Variants in EFNA5 observed in about 807,000 individuals in gnomAD.
EFNA5 encodes the protein ephrin-A5.
A neutral mutation model predicts 22.9 loss-of-function variants in EFNA5; 5 were observed. That is an observed-to-expected ratio of 0.22 (90% CI 0.11 to 0.46). The LOEUF is 0.46. EFNA5 is among the 20% of genes least tolerant of loss of function. The probability of loss-of-function intolerance (pLI) is 0.99; values close to 1 mark genes in which losing one functional copy is unlikely to be tolerated. For synonymous variants in EFNA5, 113 were observed against 112.2 expected (o/e 1.01, Z -0.04); for missense variants, 237 against 293.3 (o/e 0.81, Z 1.40).
intron 1 of EFNA5, among the ~76,000 whole-genome samples, chr5:107,587,177 T>C (rs1749205841): frequency 6.6e-6 from 1 of 152,214 alleles, no homozygotes; most frequent in Admixed American, 6.5e-5. Flanking sequence ...TTAACATTCA[T>C]GACATATAAA....
At chr5:107,569,965 A>G (rs1748760282) in intron 1 of EFNA5, among the ~76,000 whole-genome samples, 1 of 152,136 alleles carries the variant, frequency 6.6e-6, no homozygotes, top group Non-Finnish European at 1.5e-5. Flanking sequence ...AAATATCAGA[A>G]GATCACTGAC....
intron 1 of EFNA5, among the ~76,000 whole-genome samples, chr5:107,438,752 G>A (rs1749179875): frequency 6.6e-6 from 1 of 152,156 alleles, no homozygotes; most frequent in African/African-American, 2.4e-5. Context: ...GCTTTACAAG[G>A]CCAGAATCCC....
chr5:107,490,422 C>T (rs1746773857), intron 1 of EFNA5, among the ~76,000 whole-genome samples: 1 of 152,148 alleles, frequency 6.6e-6, no homozygotes, highest in Non-Finnish European at 1.5e-5. Context: ...CCCACCCATG[C>T]TTTCAGTTAA....
intron 1 of EFNA5, among the ~76,000 whole-genome samples, chr5:107,551,795 G>A (rs951312935): frequency 2.6e-5 from 4 of 151,790 alleles, no homozygotes; most frequent in Non-Finnish European, 5.9e-5. Flanking sequence ...AACATTTACT[G>A]TAAAATTTCC....
At chr5:107,637,584 G>A (rs1750404281) in intron 1 of EFNA5, among the ~76,000 whole-genome samples, 3 of 150,432 alleles carry the variant, frequency 2.0e-5, no homozygotes, top group African/African-American at 7.3e-5. Flanking sequence ...TAAAGTATAT[G>A]GATTAGGTTA....
intron 2 of EFNA5, among the ~76,000 whole-genome samples, chr5:107,422,720 C>G (rs1748705074): frequency 6.6e-6 from 1 of 152,112 alleles, no homozygotes; most frequent in Admixed American, 6.5e-5. Flanking sequence ...CATGGAGGAC[C>G]TTGCTGGCCA....
chr5:107,531,399 G>T lies in EFNA5; in HGVS notation c.126-103890C>A, dbSNP rs141929425. Among the ~76,000 whole-genome samples, 419 of 152,356 alleles carry T rather than the reference G, an allele frequency of 2.8e-3. 3 individuals are homozygous for T. Among genetic ancestry groups the T allele is most frequent in the South Asian group, 0.014 (70 of 4,830 alleles). On this transcript the variant is annotated intron_variant, in intron 1 of 4. Coordinates refer to ENST00000333274, the MANE Select transcript of EFNA5 (RefSeq NM_001962.3). ...ACTGACAAATGAAAGGGGCAGGCAG[G>T]ACGGTGAGGCTGCCGAAGGCAGGAC...
rs758317600 is a variant in EFNA5, at chr5:107,381,332, C to T, written c.610G>A (p.Ala204Thr). 8.1e-6 allele frequency: 13 copies of T among 1,613,880 alleles called. No homozygotes were observed. The highest frequency in any genetic ancestry group is 2.2e-5 in the East Asian group (1 of 44,846). ...ESAEPSRGEN[A>T]AQTPRIPSRL... is the part of the protein sequence containing the mutation. ...CTGGGTATCCTTGGTGTTTGTGCCG[C>T]GTTCTCGCCGCGGGATGGCTCGGCT... The change falls in exon 5 of 5, where the codon GCG becomes ACG. Residue 204 changes from alanine to threonine, a missense_variant. Ala to Thr is a moderately conservative substitution (Grantham distance 58). Transcript: ENST00000333274.
At chr5:107,627,275 A>G (rs976314070) in intron 1 of EFNA5, among the ~76,000 whole-genome samples, 2 of 152,210 alleles carry the variant, frequency 1.3e-5, no homozygotes, top group African/African-American at 2.4e-5. Flanking sequence ...TCACATAGAT[A>G]TAATAAATGT....
intron 2 of EFNA5, among the ~76,000 whole-genome samples, chr5:107,418,185 A>G (rs1748555784): frequency 1.3e-5 from 2 of 152,236 alleles, no homozygotes; most frequent in African/African-American, 4.8e-5. Flanking sequence ...AACACAGAGA[A>G]TAGCATGCTG....
At chr5:107,577,328 G>A (rs1307318325) in intron 1 of EFNA5, among the ~76,000 whole-genome samples, 1 of 151,870 alleles carries the variant, frequency 6.6e-6, no homozygotes, top group Non-Finnish European at 1.5e-5. Flanking sequence ...TTCTCGGTTG[G>A]GCTGTTTTGT....
chr5:107,460,167 G>A (rs983021561), intron 1 of EFNA5, among the ~76,000 whole-genome samples: 1 of 152,046 alleles, frequency 6.6e-6, no homozygotes, highest in African/African-American at 2.4e-5. Flanking sequence ...TTAACAATCT[G>A]TATTGGAATA....
intron 1 of EFNA5, among the ~76,000 whole-genome samples, chr5:107,572,178 T>G (rs957781009): frequency 6.6e-6 from 1 of 152,040 alleles, no homozygotes; most frequent in Admixed American, 6.6e-5. Context: ...CCTGTTCTTA[T>G]CTGGCAAGTA....
intron 2 of EFNA5, among the ~76,000 whole-genome samples, chr5:107,426,622 T>G (rs1170465300): frequency 6.6e-6 from 1 of 152,114 alleles, no homozygotes; most frequent in African/African-American, 2.4e-5. Flanking sequence ...CAGGACAGAG[T>G]CACTCAATGC....
intron 1 of EFNA5, among the ~76,000 whole-genome samples, chr5:107,531,515 C>CTGTCATGCAGAATAGATCT (rs1396207955): frequency 1.1e-4 from 17 of 152,316 alleles, no homozygotes; most frequent in Admixed American, 6.5e-4. Context: ...ACCTGAAGGG[C>CTGTCATGCAGAATAGATCT]TGTCATGCAG....
chr5:107,465,975 G>A (rs1025070155), intron 1 of EFNA5, among the ~76,000 whole-genome samples: 3 of 152,084 alleles, frequency 2.0e-5, no homozygotes, highest in African/African-American at 7.2e-5. Context: ...TCAAGACCGG[G>A]TATCTCATTT....
chr5:107,496,164 TAAAAAA>T (rs35565454), intron 1 of EFNA5, among the ~76,000 whole-genome samples: 3,034 of 93,202 alleles, frequency 0.033, 45 homozygotes, highest in South Asian at 0.072. Context: ...CTGTCTCTGC[TAAAAAA>T]AAAAAAAAAA....
intron 1 of EFNA5, among the ~76,000 whole-genome samples, chr5:107,631,391 T>G (rs183218272): frequency 6.6e-6 from 1 of 151,322 alleles, no homozygotes; most frequent in South Asian, 2.1e-4. Flanking sequence ...TATATATATA[T>G]ACATGTGTCT....
intron 1 of EFNA5, among the ~76,000 whole-genome samples, chr5:107,596,727 T>C (rs1043660849): frequency 6.6e-6 from 1 of 152,110 alleles, no homozygotes; most frequent in South Asian, 2.1e-4. Context: ...AGGAGGTAGA[T>C]GGAATTAGCA....
Sources: gnomAD v4.1 joint callset for allele counts (sites outside exome capture counted in the v4.1 genomes callset) on GRCh38, gnomAD v4.1.1 for gene constraint, MANE v1.5 for transcripts, NCBI Gene and HGNC (gene_info 2026-07-23, HGNC 2026-07-21) for gene names.